Variants in FBXW7 observed in about 807,000 individuals in gnomAD.
FBXW7 encodes F-box/WD repeat-containing protein 7.
Under a neutral mutation model 86.3 loss-of-function variants are expected in FBXW7, and 11 were observed. The ratio of observed to expected loss-of-function variants is 0.13; its 90% CI spans 0.08 to 0.21. FBXW7 has a LOEUF of 0.21. FBXW7 is among the 10% of genes least tolerant of loss of function. FBXW7 has a pLI of 1.00. For missense variants in FBXW7, 488 were observed against 847.4 expected (o/e 0.58, Z 5.27); for synonymous variants, 313 against 297.9 (o/e 1.05, Z -0.52).
intron 2 of FBXW7, among the ~76,000 whole-genome samples, chr4:152,494,090 C>T (rs1746093908): frequency 6.6e-6 from 1 of 151,528 alleles, no homozygotes; most frequent in Admixed American, 6.6e-5. Flanking sequence ...AGGAATTAAG[C>T]GTGTTTAAAT....
chr4:152,461,149 TTGGTGCATGTC>T (rs952499785), intron 2 of FBXW7, among the ~76,000 whole-genome samples: 2 of 152,118 alleles, frequency 1.3e-5, no homozygotes, highest in Non-Finnish European at 2.9e-5. Context: ...GCCAGACATG[TTGGTGCATGTC>T]TGTAATCCCA....
In FBXW7 at chr4:152,512,315, G is replaced by A. The variant is rs558555430; in HGVS notation, c.-120+22626C>T. Among the ~76,000 whole-genome samples the A allele has an allele frequency of 3.9e-5, 6 of 152,284 alleles. No homozygotes were observed. In the East Asian group the frequency reaches 1.2e-3, roughly 29 times the overall value. On this transcript the variant is annotated intron_variant, in intron 2 of 13. Transcript: ENST00000281708. ...TAAACAACAACAAGATGGAAAATAA[G>A]AGTGGAAAAGAAAGTAACTTGAAGT...
intron 4 of FBXW7, among the ~76,000 whole-genome samples, chr4:152,391,769 A>T: frequency 6.6e-6 from 1 of 152,148 alleles, no homozygotes. Flanking sequence ...AAGGCTTACA[A>T]ATTTGCCCAA....
intron 4 of FBXW7, among the ~76,000 whole-genome samples, chr4:152,408,792 A>G (rs1737666030): frequency 6.6e-6 from 1 of 152,192 alleles, no homozygotes; most frequent in South Asian, 2.1e-4. Flanking sequence ...AATCAGGATT[A>G]AAATCTCTCA....
intron 2 of FBXW7, among the ~76,000 whole-genome samples, chr4:152,455,455 A>G (rs1162958440): frequency 6.6e-6 from 1 of 152,162 alleles, no homozygotes; most frequent in Non-Finnish European, 1.5e-5. Flanking sequence ...ATTCTCTAAG[A>G]CGATACACAT....
In FBXW7 at chr4:152,321,112, G is replaced by A. The variant is rs188120395; in HGVS notation, c.*1769C>T. On this transcript the variant is annotated 3_prime_UTR_variant, in exon 14 of 14. Coordinates refer to ENST00000281708, the MANE Select transcript of FBXW7 (RefSeq NM_001349798.2). Reference sequence around the variant, plus strand: ...GTTGCAGCACATTATCCTTACTTTCGCGGTATAAAACAGGCTTGAAGTATT... The same window carrying A: ...GTTGCAGCACATTATCCTTACTTTCACGGTATAAAACAGGCTTGAAGTATT... The A allele has an allele frequency of 1.4e-3, 263 of 191,032 alleles. No homozygotes were observed. Among genetic ancestry groups the A allele is most frequent in the Middle Eastern group, 0.012 (6 of 520 alleles). 11.8% of individuals were successfully genotyped at this position (191,032 alleles called of 1,614,324 possible). A position where few individuals can be genotyped will look rare whatever the true frequency, so the allele number is the denominator to read the frequency against.
In FBXW7 at chr4:152,344,411, C is replaced by G. The variant is rs765287435; in HGVS notation, c.726+2519G>C. 5.9e-5 allele frequency among the ~76,000 whole-genome samples: 9 copies of G among 152,130 alleles called. 1 individual carries two copies. Among genetic ancestry groups the G allele is most frequent in the Non-Finnish European group, 8.8e-5 (6 of 68,018 alleles). ...TTATCTGAAAAAAATGTATATAATA[C>G]TATACCTGCAGGGGTAATTCCACAT... On this transcript the variant is annotated intron_variant, in intron 6 of 13. Coordinates refer to ENST00000281708, the MANE Select transcript of FBXW7 (RefSeq NM_001349798.2).
In FBXW7 at chr4:152,325,907, T is replaced by C. The variant is rs1034071748; in HGVS notation, c.1644+99A>G. 5.8e-5 allele frequency: 52 copies of C among 894,432 alleles called. No individual in the cohort carries two copies. The African/African-American group carries it at 8.3e-4, about 14-fold the overall frequency. 55.4% of individuals were successfully genotyped at this position (894,432 alleles called of 1,614,324 possible). ...AGCAGAATAATCTGATTAATCTTTT[T>C]TGGACTGTACTGGATCAGCAATTTG... On this transcript the variant is annotated intron_variant, in intron 12 of 13. Coordinates refer to ENST00000281708, the MANE Select transcript of FBXW7 (RefSeq NM_001349798.2).
At chr4:152,338,372 G>A (rs1383590626) in intron 6 of FBXW7, among the ~76,000 whole-genome samples, 4 of 151,900 alleles carry the variant, frequency 2.6e-5, no homozygotes, top group African/African-American at 9.7e-5. Context: ...GAAAGGAGAC[G>A]AGCAGCATCA....
At chr4:152,408,414 G>A (rs535054234) in intron 4 of FBXW7, among the ~76,000 whole-genome samples, 4 of 152,328 alleles carry the variant, frequency 2.6e-5, no homozygotes, top group South Asian at 4.1e-4. Context: ...TTTGTATCTG[G>A]AGAAGCAAGA....
chr4:152,527,639 G>A (rs550227832), intron 2 of FBXW7, among the ~76,000 whole-genome samples: 1 of 151,966 alleles, frequency 6.6e-6, no homozygotes, highest in South Asian at 2.1e-4. Context: ...GGGTGTGGCA[G>A]TACACACCTA....
At chr4:152,356,157 T>G (rs1182923929) in intron 4 of FBXW7, among the ~76,000 whole-genome samples, 1 of 152,166 alleles carries the variant, frequency 6.6e-6, no homozygotes, top group Non-Finnish European at 1.5e-5. Context: ...TCATAGTTCA[T>G]TGTCATTATT....
At chr4:152,478,378 A>G (rs758399252) in intron 2 of FBXW7, among the ~76,000 whole-genome samples, 15 of 152,130 alleles carry the variant, frequency 9.9e-5, no homozygotes, top group Non-Finnish European at 1.6e-4. Flanking sequence ...AGGTTTATCT[A>G]TGTTGTACCA....
chr4:152,528,736 T>A (rs1444536119), intron 2 of FBXW7, among the ~76,000 whole-genome samples: 1 of 152,150 alleles, frequency 6.6e-6, no homozygotes, highest in Non-Finnish European at 1.5e-5. Context: ...TTAAACATAC[T>A]GTGAAAGGTA....
At chr4:152,326,257 AAAC>A in intron 11 of FBXW7, 26 bp from the exon 12 acceptor site, 1 of 1,575,198 alleles carries the variant, frequency 6.3e-7, no homozygotes, top group Non-Finnish European at 8.7e-7. Flanking sequence ...CAGAAAAACA[AAAC>A]AAAACAAAAA....
intron 2 of FBXW7, among the ~76,000 whole-genome samples, chr4:152,432,280 G>A (rs1579183705): frequency 6.6e-6 from 1 of 152,112 alleles, no homozygotes; most frequent in Non-Finnish European, 1.5e-5. Context: ...TTTCTAACGT[G>A]AGCATACCTG....
chr4:152,352,965 A>C, intron 4 of FBXW7: 2 of 1,365,048 alleles, frequency 1.5e-6, no homozygotes, highest in Non-Finnish European at 1.9e-6. Context: ...TAAGAACACA[A>C]CGCACTGAAC....
chr4:152,382,424 T>C (rs1187775582), intron 4 of FBXW7: 12 of 1,257,246 alleles, frequency 9.5e-6, no homozygotes, highest in African/African-American at 1.6e-5. Flanking sequence ...TAAAAATATA[T>C]ATTTAATAAT....
intron 4 of FBXW7, chr4:152,352,455 A>T (rs748228110): frequency 7.4e-6 from 12 of 1,613,746 alleles, no homozygotes; most frequent in Middle Eastern, 1.7e-4. Flanking sequence ...CATAGGAAGA[A>T]AACAGCTTAC....
Sources: allele counts gnomAD v4.1 joint callset (sites outside exome capture counted in the v4.1 genomes callset), GRCh38; gene constraint gnomAD v4.1.1; transcripts MANE v1.5; gene names NCBI Gene and HGNC (gene_info 2026-07-23, HGNC 2026-07-21).